Variants in P2RY12 observed in about 807,000 individuals in gnomAD.
P2RY12 encodes the protein purinergic receptor P2Y12.
In P2RY12, 3 loss-of-function variants were observed where a neutral mutation model predicts 4.5. The ratio of observed to expected loss-of-function variants is 0.67; its 90% CI spans 0.31 to 1.74. The LOEUF is 1.74. Among genes scored for constraint, P2RY12 ranks in the 40% most tolerant of loss-of-function variants. P2RY12 has a pLI of 0.09. For synonymous variants in P2RY12, 148 were observed against 154.1 expected (o/e 0.96, Z 0.29); for missense variants, 356 against 407.8 (o/e 0.87, Z 1.09).
intron 1 of P2RY12, among the ~76,000 whole-genome samples, chr3:151,373,869 A>G (rs1186201914): frequency 6.6e-6 from 1 of 152,154 alleles, no homozygotes; most frequent in African/African-American, 2.4e-5. Flanking sequence ...TTAGCAGAGA[A>G]CGTTACTGAG....
At chr3:151,345,857 T>C (rs1042702322) in intron 1 of P2RY12, among the ~76,000 whole-genome samples, 2 of 152,146 alleles carry the variant, frequency 1.3e-5, no homozygotes, top group Non-Finnish European at 2.9e-5. Flanking sequence ...TAAACAAATC[T>C]TGTAGGCTCT....
At position 151,338,029 on chromosome 3, in the gene P2RY12, C is replaced by T; in HGVS notation, c.817G>A (p.Glu273Lys). Reference sequence around the variant, plus strand: ...TCTTTCACATAGAACAGAGTATTTTCAGCAGTGCAGTCAAAGACATCCCGG... The same window carrying T: ...TCTTTCACATAGAACAGAGTATTTTTAGCAGTGCAGTCAAAGACATCCCGG... ...QTRDVFDCTA[E>K]NTLFYVKEST... Residue 273 changes from glutamate (E) to lysine (K), a missense_variant, in exon 3 of 3, where the codon GAA becomes AAA. Coordinates refer to ENST00000302632, the MANE Select transcript of P2RY12 (RefSeq NM_022788.5). 1.9e-6 allele frequency: 3 copies of T among 1,614,090 alleles called. No individual in the cohort carries two copies. Among genetic ancestry groups the T allele is most frequent in the Non-Finnish European group, 2.5e-6 (3 of 1,179,978 alleles).
In P2RY12 at chr3:151,368,600, ATTTTATTTTATTTTATTT is replaced by A. The variant is rs1206369144; in HGVS notation, c.-180+16074_-180+16091del. Among the ~76,000 whole-genome samples the A allele has an allele frequency of 1.6e-4, 10 of 62,006 alleles. No individual in the cohort carries two copies. The South Asian group carries it at 5.8e-3, about 36-fold the overall frequency. 40.7% of individuals were successfully genotyped at this position (62,006 alleles called of 152,430 possible). A position where few individuals can be genotyped will look rare whatever the true frequency, so the allele number is the denominator to read the frequency against. On this transcript the variant is annotated intron_variant, in intron 1 of 2. Transcript: ENST00000302632. Reference sequence around the variant, plus strand: ...GGGCAATGGTGATTTATTTTATTTTATTTTATTTTATTTTATTTTATTTTATTTTATTTCATTTCATTT... The same window carrying A: ...GGGCAATGGTGATTTATTTTATTTTATATTTTATTTTATTTCATTTCATTT...
chr3:151,357,493 G>C, intron 1 of P2RY12: 1 of 884,024 alleles, frequency 1.1e-6, no homozygotes, highest in Non-Finnish European at 1.6e-6. Flanking sequence ...GTTAAAACAT[G>C]GTTAAAGAAC....
intron 1 of P2RY12, among the ~76,000 whole-genome samples, chr3:151,362,504 C>T (rs985502773): frequency 6.6e-6 from 1 of 152,078 alleles, no homozygotes. Flanking sequence ...ACACTTCACT[C>T]ACGACTGTCT....
intron 1 of P2RY12, chr3:151,355,319 C>A: frequency 1.1e-6 from 1 of 870,486 alleles, no homozygotes; most frequent in South Asian, 1.5e-5. Flanking sequence ...TATATTTTCT[C>A]AACCTTAATG....
chr3:151,345,479 A>G (rs1752407162), intron 1 of P2RY12, among the ~76,000 whole-genome samples: 1 of 146,244 alleles, frequency 6.8e-6, no homozygotes, highest in Non-Finnish European at 1.5e-5. Context: ...ATGAATTGCT[A>G]TTTGAAGGCT....
In P2RY12 at chr3:151,365,312, C is replaced by A. The variant is rs1755144966; in HGVS notation, c.-180+19380G>T. ...AGTGTCTGGACTCACATTTGGCTAT[C>A]ATTTGCTTTTTCTAAATCTTCTTTT... On this transcript the variant is annotated intron_variant, in intron 1 of 2. Transcript: ENST00000302632. 4.2e-5 allele frequency: 38 copies of A among 908,482 alleles called. No homozygotes were observed. In the South Asian group the frequency reaches 5.6e-4, roughly 13 times the overall value. 56.3% of individuals were successfully genotyped at this position (908,482 alleles called of 1,614,324 possible).
intron 1 of P2RY12, among the ~76,000 whole-genome samples, chr3:151,350,579 T>C (rs1332704349): frequency 6.6e-6 from 1 of 152,188 alleles, no homozygotes; most frequent in Non-Finnish European, 1.5e-5. Context: ...TTTCTCTGTT[T>C]CTTTACCATA....
At chr3:151,356,780 C>A (rs980531276) in intron 1 of P2RY12, among the ~76,000 whole-genome samples, 1 of 152,116 alleles carries the variant, frequency 6.6e-6, no homozygotes, top group Admixed American at 6.6e-5. Flanking sequence ...ATTTCTTATG[C>A]ACATTTGAGT....
chr3:151,367,968 A>G (rs1755495379), intron 1 of P2RY12, among the ~76,000 whole-genome samples: 2 of 152,190 alleles, frequency 1.3e-5, no homozygotes, highest in South Asian at 4.1e-4. Flanking sequence ...GGAAACTGCT[A>G]TGTTACAGTC....
chr3:151,348,992 G>A (rs1752908691), intron 1 of P2RY12, among the ~76,000 whole-genome samples: 1 of 152,206 alleles, frequency 6.6e-6, no homozygotes, highest in South Asian at 2.1e-4. Context: ...GGATAAGATG[G>A]ATGCTGTTGG....
intron 1 of P2RY12, chr3:151,375,947 C>A: frequency 1.6e-6 from 1 of 615,750 alleles, no homozygotes; most frequent in Non-Finnish European, 2.5e-6. Flanking sequence ...TTCAATTATG[C>A]ACTGTGGATT....
chr3:151,365,501 G>GA (rs1029087341), intron 1 of P2RY12, among the ~76,000 whole-genome samples: 1 of 151,848 alleles, frequency 6.6e-6, no homozygotes, highest in African/African-American at 2.4e-5. Flanking sequence ...CCTGTATTTT[G>GA]AAAAAAACCG....
At chr3:151,368,629 TATTTCATTTC>T (rs1159385723) in intron 1 of P2RY12, among the ~76,000 whole-genome samples, 14,666 of 92,018 alleles carry the variant, frequency 0.16, 1,277 homozygotes, top group South Asian at 0.27. Context: ...TATTTTATTT[TATTTCATTTC>T]ATTTCATTTC....
chr3:151,380,581 T>C (rs538748538), intron 1 of P2RY12, among the ~76,000 whole-genome samples: 210 of 125,558 alleles, frequency 1.7e-3, no homozygotes, highest in African/African-American at 5.8e-3. Flanking sequence ...TGGGAAACAA[T>C]AGTGAAACTC....
rs186941334 is a variant in P2RY12 at position 151,374,455 on chromosome 3, T to C, written c.-180+10237A>G. 3.5e-4 allele frequency among the ~76,000 whole-genome samples: 53 copies of C among 152,096 alleles called. 1 individual carries two copies. Among genetic ancestry groups the C allele is most frequent in the African/African-American group, 1.2e-3 (49 of 41,524 alleles). ...CCCAGCTACTTGGGAGGCTGAGGCA[T>C]GAGAATCGCTTGAAACTGGGAGGCG... is the stretch of plus-strand genomic sequence containing the variant. On this transcript the variant is annotated intron_variant, in intron 1 of 2. Transcript: ENST00000302632.
At chr3:151,375,810 A>G (rs1238723966) in intron 1 of P2RY12, among the ~76,000 whole-genome samples, 2 of 152,148 alleles carry the variant, frequency 1.3e-5, no homozygotes, top group Admixed American at 6.5e-5. Flanking sequence ...CCATTAAAAA[A>G]TGTTTTTAAG....
chr3:151,353,334 T>C (rs908776429), intron 1 of P2RY12, among the ~76,000 whole-genome samples: 7 of 152,264 alleles, frequency 4.6e-5, no homozygotes, highest in African/African-American at 1.4e-4. Context: ...ATTTTAAACA[T>C]GCTCATGACA....
Sources: gnomAD v4.1 joint callset for allele counts (sites outside exome capture counted in the v4.1 genomes callset) on GRCh38, gnomAD v4.1.1 for gene constraint, MANE v1.5 for transcripts, NCBI Gene and HGNC (gene_info 2026-07-23, HGNC 2026-07-21) for gene names.